Variants in CLASP2 observed in about 807,000 individuals in gnomAD.
CLASP2 encodes the protein cytoplasmic linker associated protein 2.
CLASP2 carries 47 observed loss-of-function variants against 194.4 expected under a neutral mutation model. That is an observed-to-expected ratio of 0.24 (90% CI 0.19 to 0.31). The LOEUF (loss-of-function observed/expected upper bound fraction) is 0.31, where lower values mean the gene tolerates loss of function less well. Ranked by LOEUF, CLASP2 falls within the 10% of genes least tolerant of loss-of-function variation. The pLI is 1.00. For missense variants in CLASP2, 1,445 were observed against 1,823.6 expected (o/e 0.79, Z 3.78); for synonymous variants, 619 against 633.5 (o/e 0.98, Z 0.34).
At chr3:33,633,733 C>A (rs1310705814) in intron 8 of CLASP2, among the ~76,000 whole-genome samples, 8 of 151,922 alleles carry the variant, frequency 5.3e-5, no homozygotes, top group Non-Finnish European at 1.2e-4. Context: ...ATGAAACAAT[C>A]TGAATTGGGT....
intron 13 of CLASP2, among the ~76,000 whole-genome samples, chr3:33,609,399 G>A (rs985781947): frequency 1.3e-5 from 2 of 152,124 alleles, no homozygotes; most frequent in African/African-American, 4.8e-5. Context: ...CAACAATCTG[G>A]ATCTTTCATC....
intron 7 of CLASP2, 96 bp downstream of exon 7, chr3:33,663,349 A>AATTATAT: frequency 1.3e-6 from 1 of 789,352 alleles, no homozygotes. Context: ...CAAGCCACAA[A>AATTATAT]ATCAACTCTT....
chr3:33,552,706 T>C (rs1281324445), intron 29 of CLASP2, among the ~76,000 whole-genome samples: 1 of 152,188 alleles, frequency 6.6e-6, no homozygotes, highest in Non-Finnish European at 1.5e-5. Flanking sequence ...CTTTTCTGTG[T>C]GTAGCAAGAG....
At chr3:33,543,667 A>C in intron 31 of CLASP2, 128 bp from the exon 32 acceptor site, 1 of 597,230 alleles carries the variant, frequency 1.7e-6, no homozygotes, top group Non-Finnish European at 3.0e-6. Context: ...CAATATTTTA[A>C]ATATTCATGT....
intron 8 of CLASP2, among the ~76,000 whole-genome samples, chr3:33,634,378 T>C (rs1007043844): frequency 6.6e-6 from 1 of 152,172 alleles, no homozygotes; most frequent in Non-Finnish European, 1.5e-5. Context: ...GGCCACACAG[T>C]AATATTTTAG....
intron 7 of CLASP2, among the ~76,000 whole-genome samples, chr3:33,649,442 C>T (rs1454635638): frequency 6.6e-6 from 1 of 152,186 alleles, no homozygotes; most frequent in Non-Finnish European, 1.5e-5. Flanking sequence ...GCACACATTT[C>T]ACAGTATGGA....
chr3:33,708,153 G>T (rs2092783030), intron 1 of CLASP2, among the ~76,000 whole-genome samples: 1 of 151,898 alleles, frequency 6.6e-6, no homozygotes, highest in Non-Finnish European at 1.5e-5. Flanking sequence ...CTGTGCATTA[G>T]GTTTCCAGAA....
At chr3:33,614,754 G>A (rs946579984) in intron 12 of CLASP2, among the ~76,000 whole-genome samples, 3 of 152,128 alleles carry the variant, frequency 2.0e-5, no homozygotes, top group Non-Finnish European at 4.4e-5. Flanking sequence ...CCAAAGTGCT[G>A]GGATTACAGG....
intron 6 of CLASP2, among the ~76,000 whole-genome samples, chr3:33,665,468 T>G (rs1319568906): frequency 6.6e-6 from 1 of 151,894 alleles, no homozygotes; most frequent in Middle Eastern, 3.2e-3. Flanking sequence ...ACACACAGAG[T>G]AGATGATTGC....
At position 33,514,795 on chromosome 3, in the gene CLASP2, GGATA is replaced by G. The variant is rs536614784; in HGVS notation, c.4110+1224_4110+1227del. On this transcript the variant is annotated intron_variant, in intron 36 of 38. Transcript: ENST00000682230. ...CCCAAATGCACATCAATCAATGAAT[GGATA>G]AAGAAATTGTGTATATGTATATACA... 3.5e-5 allele frequency: 7 copies of G among 198,938 alleles called. 1 individual carries two copies. The South Asian group carries it at 4.5e-4, about 13-fold the overall frequency. 12.3% of individuals were successfully genotyped at this position (198,938 alleles called of 1,614,324 possible).
rs1230384197 is a variant in CLASP2 at position 33,647,523 on chromosome 3, G to A, written c.716-2620C>T. 3.3e-5 allele frequency among the ~76,000 whole-genome samples: 5 copies of A among 152,174 alleles called. No homozygotes were observed. In the East Asian group the frequency reaches 9.6e-4, roughly 29 times the overall value. The stretch of plus-strand genomic sequence containing the variant: ...TTCTTTTTCTATAAAGGACCACACA[G>A]CAAATATTTTAGGCTTTGTAAACCA... On this transcript the variant is annotated intron_variant, in intron 7 of 38. Coordinates refer to ENST00000682230, the MANE Select transcript of CLASP2 (RefSeq NM_001365631.1).
intron 1 of CLASP2, among the ~76,000 whole-genome samples, chr3:33,708,654 T>C (rs1439956568): frequency 6.6e-6 from 1 of 151,756 alleles, no homozygotes; most frequent in Admixed American, 6.6e-5. Context: ...TTGTGAATAA[T>C]GGTGCAATGA....
chr3:33,601,465 A>G (rs2072194836), intron 18 of CLASP2, among the ~76,000 whole-genome samples: 1 of 152,148 alleles, frequency 6.6e-6, no homozygotes, highest in East Asian at 1.9e-4. Flanking sequence ...TTTTTAACAG[A>G]CTTGAAAAAC....
chr3:33,510,090 T>C (rs1265531908), intron 37 of CLASP2, among the ~76,000 whole-genome samples: 2 of 152,214 alleles, frequency 1.3e-5, no homozygotes, highest in Non-Finnish European at 2.9e-5. Flanking sequence ...AGCTACAACA[T>C]GGATGAACTC....
rs997128512 is a variant in CLASP2, at chr3:33,497,993, A to G, written c.*638T>C. 6.6e-6 allele frequency: 1 copy of G among 152,620 alleles called. No homozygotes were observed. Among genetic ancestry groups the G allele is most frequent in the Non-Finnish European group, 1.5e-5 (1 of 68,028 alleles). 9.5% of individuals were successfully genotyped at this position (152,620 alleles called of 1,614,324 possible). A position where few individuals can be genotyped will look rare whatever the true frequency, so the allele number is the denominator to read the frequency against. On this transcript the variant is annotated 3_prime_UTR_variant, in exon 39 of 39. Coordinates refer to ENST00000682230, the MANE Select transcript of CLASP2 (RefSeq NM_001365631.1). ...TGGCAAGATCAATAACCAATAGACA[A>G]TATCAGTTTTACAGAACTGGCTGAT... is the stretch of plus-strand genomic sequence containing the variant.
chr3:33,708,968 T>C (rs2092866835), intron 1 of CLASP2, among the ~76,000 whole-genome samples: 1 of 152,172 alleles, frequency 6.6e-6, no homozygotes, highest in South Asian at 2.1e-4. Context: ...TTCTCAAACA[T>C]TGAGTTAGAT....
chr3:33,536,112 G>A (rs150215119), intron 33 of CLASP2, among the ~76,000 whole-genome samples: 35 of 152,148 alleles, frequency 2.3e-4, no homozygotes, highest in East Asian at 1.5e-3. Context: ...CCATTTGCTA[G>A]GCACTTTACA....
intron 34 of CLASP2, among the ~76,000 whole-genome samples, chr3:33,520,692 C>G (rs1485404989): frequency 6.6e-6 from 1 of 152,022 alleles, no homozygotes; most frequent in Non-Finnish European, 1.5e-5. Context: ...TTAAAGATAA[C>G]GAAAGCTAGG....
chr3:33,706,763 A>C (rs2092704409), intron 1 of CLASP2, among the ~76,000 whole-genome samples: 1 of 151,866 alleles, frequency 6.6e-6, no homozygotes, highest in Non-Finnish European at 1.5e-5. Context: ...GGAGTTCGAG[A>C]CCAGCCTGGG....
Sources: gnomAD v4.1 joint callset for allele counts (sites outside exome capture counted in the v4.1 genomes callset) on GRCh38, gnomAD v4.1.1 for gene constraint, MANE v1.5 for transcripts, NCBI Gene and HGNC (gene_info 2026-07-23, HGNC 2026-07-21) for gene names.